Variants in ARHGAP30 observed in about 807,000 individuals in gnomAD.
ARHGAP30 encodes the protein rho GTPase-activating protein 30.
Under a neutral mutation model 72.0 loss-of-function variants are expected in ARHGAP30, and 23 were observed. The observed-to-expected ratio is 0.32, with a 90% CI of 0.23 to 0.45. The LOEUF is 0.45. ARHGAP30 is among the 20% of genes least tolerant of loss of function. The probability of loss-of-function intolerance (pLI) is 1.00; values close to 1 mark genes in which losing one functional copy is unlikely to be tolerated. For synonymous variants in ARHGAP30, 576 were observed against 528.2 expected, an observed-to-expected ratio of 1.09 and a Z score of -1.24; for missense variants, 1,319 against 1,383.4, an observed-to-expected ratio of 0.95 and a Z score of 0.74.
intron 9 of ARHGAP30, 56 bp from the exon 10 acceptor site, chr1:161,051,771 AC>A: frequency 6.7e-7 from 1 of 1,490,816 alleles, no homozygotes. Flanking sequence ...AGGGGCCTAG[AC>A]ATCTCAAGAA....
At position 161,047,886 on chromosome 1, in the gene ARHGAP30, C is replaced by T. The variant is rs1269617393; in HGVS notation, c.3135G>A (p.Arg1045=). The T allele has an allele frequency of 5.0e-6, 8 of 1,611,362 alleles. No individual in the cohort carries two copies. Among genetic ancestry groups the T allele is most frequent in the Non-Finnish European group, 6.8e-6 (8 of 1,178,738 alleles). ...ATGGGAGCTCCAGGCAGCTAAGGGGCCGAGGAGAATGGGCAGAGATCATGC... is the reference window on the plus strand; with the variant it reads ...ATGGGAGCTCCAGGCAGCTAAGGGGTCGAGGAGAATGGGCAGAGATCATGC... ...PCSMISAHSP[R]PLSCLELPSE... Residue 1045 remains arginine (R), a synonymous_variant, in exon 12 of 12, where the codon CGG becomes CGA. Transcript: ENST00000368013.
At chr1:161,063,342 T>C (rs1346643935) in intron 1 of ARHGAP30, among the ~76,000 whole-genome samples, 1 of 152,242 alleles carries the variant, frequency 6.6e-6, no homozygotes, top group East Asian at 1.9e-4. Context: ...TATGGACATT[T>C]ATTAGTTCCC....
intron 1 of ARHGAP30, among the ~76,000 whole-genome samples, chr1:161,060,993 C>T (rs1481586535): frequency 6.6e-6 from 1 of 151,862 alleles, no homozygotes; most frequent in Non-Finnish European, 1.5e-5. Flanking sequence ...CGTGAGCCAC[C>T]GAGCCTGGCC....
At chr1:161,067,445 C>T (rs551261265) in intron 1 of ARHGAP30, among the ~76,000 whole-genome samples, 25 of 152,218 alleles carry the variant, frequency 1.6e-4, no homozygotes, top group African/African-American at 6.0e-4. Flanking sequence ...TGGTGCCTGC[C>T]TGTAATCCCA....
chr1:161,049,414 C>A lies in ARHGAP30; in HGVS notation c.1686+10G>T. 6.2e-7 allele frequency: 1 copy of A among 1,603,284 alleles called. No individual in the cohort carries two copies. Among genetic ancestry groups the A allele is most frequent in the South Asian group, 1.1e-5 (1 of 89,674 alleles). ...CATGCCACCCCCAAACCCAGCACGGCTCTCCTTACCTGAGGCCCAACTCCC... is the reference window on the plus strand; with the variant it reads ...CATGCCACCCCCAAACCCAGCACGGATCTCCTTACCTGAGGCCCAACTCCC... On this transcript the variant is annotated intron_variant, in intron 11 of 11. Coordinates refer to ENST00000368013, the MANE Select transcript of ARHGAP30 (RefSeq NM_001025598.2).
intron 1 of ARHGAP30, among the ~76,000 whole-genome samples, chr1:161,067,167 A>G (rs116636928): frequency 1.4e-4 from 21 of 152,260 alleles, no homozygotes; most frequent in Non-Finnish European, 2.6e-4. Context: ...GAGATCAGAG[A>G]TAAAACCTAC....
At chr1:161,066,666 A>AT in intron 1 of ARHGAP30, among the ~76,000 whole-genome samples, 1 of 129,290 alleles carries the variant, frequency 7.7e-6, no homozygotes, top group Admixed American at 7.9e-5. Flanking sequence ...AAAAAAAAAA[A>AT]AAAAAAGGCA....
intron 1 of ARHGAP30, among the ~76,000 whole-genome samples, chr1:161,063,693 A>G (rs1008823899): frequency 6.6e-5 from 10 of 152,268 alleles, no homozygotes; most frequent in African/African-American, 2.2e-4. Flanking sequence ...GAACAGAGCC[A>G]TATTTCTCTT....
In ARHGAP30 at chr1:161,047,881, A is replaced by C; in HGVS notation, c.3140T>G (p.Leu1047Arg). 7.4e-6 allele frequency: 12 copies of C among 1,611,568 alleles called. No individual in the cohort carries two copies. Among genetic ancestry groups the C allele is most frequent in the Non-Finnish European group, 1.0e-5 (12 of 1,178,846 alleles). Reference protein sequence around the residue: ...SMISAHSPRPLSCLELPSEGA... With the variant: ...SMISAHSPRPRSCLELPSEGA... ...TTCAGATGGGAGCTCCAGGCAGCTA[A>C]GGGGCCGAGGAGAATGGGCAGAGAT... Residue 1047 changes from leucine to arginine, a missense_variant, in exon 12 of 12, where the codon CTT becomes CGT. By Grantham distance (102) the Leu-to-Arg change is moderately radical (BLOSUM62 -2). This residue lies in a region of ARHGAP30 where 1,097 missense variants were observed against 1,045.2 expected (regional missense o/e 1.05). Coordinates refer to ENST00000368013, the MANE Select transcript of ARHGAP30 (RefSeq NM_001025598.2).
At chr1:161,059,999 A>G (rs1459698969) in intron 1 of ARHGAP30, among the ~76,000 whole-genome samples, 2 of 152,180 alleles carry the variant, frequency 1.3e-5, no homozygotes, top group African/African-American at 4.8e-5. Flanking sequence ...GAAATTTGTC[A>G]GGCTGGGTGC....
intron 2 of ARHGAP30, among the ~76,000 whole-genome samples, chr1:161,057,158 AT>A (rs11441984): frequency 0.012 from 1,735 of 146,820 alleles, 25 homozygotes; most frequent in African/African-American, 0.03. Flanking sequence ...AAATAAGCTA[AT>A]TTTTTTTTTT....
At chr1:161,055,888 A>T (rs1454166170) in intron 3 of ARHGAP30, among the ~76,000 whole-genome samples, 2 of 28,334 alleles carry the variant, frequency 7.1e-5, no homozygotes, top group Non-Finnish European at 1.3e-4. Flanking sequence ...AATAAAAATA[A>T]ATAAAATAAA....
rs749379802 is a variant in ARHGAP30, at chr1:161,048,935, C to T, written c.2086G>A (p.Gly696Arg). The T allele has an allele frequency of 6.2e-7, 1 of 1,614,048 alleles. No homozygotes were observed. The highest frequency in any genetic ancestry group is 1.3e-5 in the African/African-American group (1 of 75,028). ...GKASEDRGEAGGSQETKVRLR... is the reference protein window; with the variant it reads ...GKASEDRGEARGSQETKVRLR... ...CTGACTTTTGTCTCTTGGCTTCCCC[C>T]AGCCTCCCCTCTATCCTCACTGGCC... The change falls in exon 12 of 12, where the codon GGG becomes AGG. Residue 696 changes from glycine to arginine, a missense_variant. This residue lies in a region of ARHGAP30 where 1,097 missense variants were observed against 1,045.2 expected (regional missense o/e 1.05). Transcript: ENST00000368013.
chr1:161,049,519 C>G lies in ARHGAP30; in HGVS notation c.1591G>C (p.Val531Leu), dbSNP rs201650598. ...PEWVGAEDGE[V>L]AQAEAAGAAF... ...GCTCCTGCTGCTTCTGCCTGGGCCACCTCCCCATCCTCTGCCCCCACCCAC... is the reference window on the plus strand; with the variant it reads ...GCTCCTGCTGCTTCTGCCTGGGCCAGCTCCCCATCCTCTGCCCCCACCCAC... The change falls in exon 11 of 12, where the codon GTG (valine) becomes CTG (leucine). Residue 531 changes from valine (V) to leucine (L), a missense_variant. This residue lies in a region of ARHGAP30 where 1,097 missense variants were observed against 1,045.2 expected (regional missense o/e 1.05). Coordinates refer to ENST00000368013, the MANE Select transcript of ARHGAP30 (RefSeq NM_001025598.2). 1 of 1,614,172 alleles carries G rather than the reference C, an allele frequency of 6.2e-7. No individual in the cohort carries two copies. Among genetic ancestry groups the G allele is most frequent in the South Asian group, 1.1e-5 (1 of 91,082 alleles).
At chr1:161,058,210 G>A (rs1309897789) in intron 2 of ARHGAP30, among the ~76,000 whole-genome samples, 2 of 151,984 alleles carry the variant, frequency 1.3e-5, no homozygotes, top group Admixed American at 1.3e-4. Flanking sequence ...TACTCGGGAG[G>A]CTGAGGCAGG....
chr1:161,052,913 C>T, intron 6 of ARHGAP30, 116 bp from the exon 7 acceptor site: 7 of 1,287,416 alleles, frequency 5.4e-6, no homozygotes, highest in Non-Finnish European at 7.4e-6. Context: ...TCAGAAGCCC[C>T]TGAAGACAGT....
At chr1:161,052,820 C>A in intron 6 of ARHGAP30, 23 bp from the exon 7 acceptor site, 1 of 1,606,940 alleles carries the variant, frequency 6.2e-7, no homozygotes. Flanking sequence ...AAGGAATTGG[C>A]CAGCCAGGAA....
At position 161,055,788 on chromosome 1, in the gene ARHGAP30, TTAAAATAAAATAAAATAATAAA is replaced by T. The variant is rs1344748832; in HGVS notation, c.345+578_345+599del. Among the ~76,000 whole-genome samples, 437 of 115,362 alleles carry T rather than the reference TTAAAATAAAATAAAATAATAAA, an allele frequency of 3.8e-3. 8 individuals are homozygous for T. The highest frequency in any genetic ancestry group is 8.6e-3 in the Middle Eastern group (2 of 232). 75.7% of individuals were successfully genotyped at this position (115,362 alleles called of 152,430 possible). ...AACAGAGTGAGACTCCATCTTAAAA[TTAAAATAAAATAAAATAATAAA>T]ATAAAATAAAATAAAATAAAATAAA... On this transcript the variant is annotated intron_variant, in intron 3 of 11. Transcript: ENST00000368013.
In ARHGAP30 at chr1:161,048,801, A is replaced by G. The variant is rs1480511706; in HGVS notation, c.2220T>C (p.Asp740=). The G allele has an allele frequency of 1.2e-6, 2 of 1,613,088 alleles. No homozygotes were observed. The highest frequency in any genetic ancestry group is 8.5e-7 in the Non-Finnish European group (1 of 1,179,794). The part of the protein sequence containing the change: ...EAKGVEEPGG[D]EYTDEKEKEI... ...CTTTTTCCTTCTCATCTGTATACTC[A>G]TCTCCTCCTGGTTCCTCCACACCTT... The change falls in exon 12 of 12, where the codon GAT becomes GAC. Residue 740 remains aspartate, a synonymous_variant. Transcript: ENST00000368013.
Sources: gnomAD v4.1 joint callset for allele counts (sites outside exome capture counted in the v4.1 genomes callset) on GRCh38, gnomAD v4.1.1 for gene constraint, gnomAD v4.1.1 regional missense constraint, MANE v1.5 for transcripts, NCBI Gene and HGNC (gene_info 2026-07-23, HGNC 2026-07-21) for gene names.